Variants in EFHC1 observed in about 807,000 individuals in gnomAD.
The protein encoded by EFHC1 is EF-hand domain containing 1.
EFHC1 carries 53 observed loss-of-function variants against 69.9 expected under a neutral mutation model. The ratio of observed to expected loss-of-function variants is 0.76; its 90% CI spans 0.61 to 0.95. The LOEUF (loss-of-function observed/expected upper bound fraction) is 0.95. Among genes scored for constraint, EFHC1 ranks in the 40% least tolerant of loss-of-function variants. The pLI is 0.00. For missense variants in EFHC1, 739 were observed against 798.7 expected (o/e 0.93, Z 0.90); for synonymous variants, 256 against 278.4 (o/e 0.92, Z 0.80).
intron 4 of EFHC1, 130 bp downstream of exon 4, chr6:52,452,967 A>C: frequency 6.3e-7 from 1 of 1,586,394 alleles, no homozygotes; most frequent in Admixed American, 1.7e-5. Flanking sequence ...CTGTTTGGAC[A>C]CAGTACTGTC....
intron 3 of EFHC1, among the ~76,000 whole-genome samples, chr6:52,452,357 G>A (rs1764933217): frequency 6.6e-6 from 1 of 152,160 alleles, no homozygotes; most frequent in Admixed American, 6.5e-5. Context: ...CTGGAGTGCA[G>A]TGTCATGATC....
At chr6:52,420,900 C>T (rs980534062) in intron 1 of EFHC1, 2 of 563,716 alleles carry the variant, frequency 3.5e-6, no homozygotes, top group African/African-American at 2.0e-5. Context: ...CGTCCATCGC[C>T]GCCCTTAAAA....
At position 52,438,496 on chromosome 6, in the gene EFHC1, G is replaced by T; in HGVS notation, c.478G>T (p.Gly160Cys). The T allele has an allele frequency of 6.2e-7, 1 of 1,613,980 alleles. No homozygotes were observed. The change falls in exon 3 of 11, where the codon GGT becomes TGT. Residue 160 changes from glycine to cysteine, a missense_variant. Transcript: ENST00000371068. ...KRQRLAKNDR[G>C]DHYHWKDLNR... ...CCAGCGGCTAGCCAAGAATGACCGG[G>T]GTGACCATTACCATTGGAAAGACCT...
In EFHC1 at chr6:52,490,137, C is replaced by T; in HGVS notation, c.1641-3C>T. The T allele has an allele frequency of 6.2e-7, 1 of 1,613,390 alleles. No homozygotes were observed. The highest frequency in any genetic ancestry group is 8.5e-7 in the Non-Finnish European group (1 of 1,179,574). On this transcript the variant is annotated splice_region_variant and splice_polypyrimidine_tract_variant and intron_variant, in intron 9 of 10. Coordinates refer to ENST00000371068, the MANE Select transcript of EFHC1 (RefSeq NM_018100.4). The stretch of plus-strand genomic sequence containing the variant: ...TGCAGTCATTTCCTTCCTTTCTCTA[C>T]AGCAAGCAAACTGAAAAGGATCCAG...
intron 6 of EFHC1, among the ~76,000 whole-genome samples, chr6:52,467,532 C>T (rs1765337312): frequency 6.6e-6 from 1 of 152,038 alleles, no homozygotes; most frequent in African/African-American, 2.4e-5. Flanking sequence ...TACCTCTGTT[C>T]CCCATCCTTA....
chr6:52,442,203 CT>C (rs1764679701), intron 3 of EFHC1, among the ~76,000 whole-genome samples: 1 of 152,106 alleles, frequency 6.6e-6, no homozygotes, highest in South Asian at 2.1e-4. Flanking sequence ...ATGCTTCCAG[CT>C]TTTCCCTGTT....
At chr6:52,455,918 C>T (rs1253194541) in intron 5 of EFHC1, among the ~76,000 whole-genome samples, 1 of 152,058 alleles carries the variant, frequency 6.6e-6, no homozygotes, top group East Asian at 1.9e-4. Flanking sequence ...ACAAGATGTA[C>T]ACAGAAAGCA....
At chr6:52,482,868 C>T in intron 9 of EFHC1, 1 of 398,578 alleles carries the variant, frequency 2.5e-6, no homozygotes, top group Non-Finnish European at 4.4e-6. Flanking sequence ...TCAGCTTTCT[C>T]TTCTATAACT....
chr6:52,452,604 T>A, intron 3 of EFHC1, 84 bp from the exon 4 acceptor site: 8 of 1,517,358 alleles, frequency 5.3e-6, no homozygotes, highest in Non-Finnish European at 6.4e-6. Context: ...GCCTGGCCCA[T>A]ACACTTATTT....
At chr6:52,439,358 C>T (rs1764607964) in intron 3 of EFHC1, among the ~76,000 whole-genome samples, 1 of 152,138 alleles carries the variant, frequency 6.6e-6, no homozygotes, top group African/African-American at 2.4e-5. Flanking sequence ...GCACTGAGCT[C>T]CTATGAATCC....
In EFHC1 at chr6:52,494,152, A is replaced by T; in HGVS notation, c.*1811A>T. On this transcript the variant is annotated 3_prime_UTR_variant, in exon 11 of 11. Transcript: ENST00000371068. ...GTCTCAATAAACTCACGTAAGTAAAAAATATCACAAGTTGAAAACACATTT... is the reference window on the plus strand; with the variant it reads ...GTCTCAATAAACTCACGTAAGTAAATAATATCACAAGTTGAAAACACATTT... 2.2e-6 allele frequency: 1 copy of T among 454,090 alleles called. No individual in the cohort carries two copies. Among genetic ancestry groups the T allele is most frequent in the Non-Finnish European group, 4.4e-6 (1 of 226,796 alleles). 28.1% of individuals were successfully genotyped at this position (454,090 alleles called of 1,614,324 possible).
rs1053791314 is a variant in EFHC1, at chr6:52,427,774, G to A, written c.285+3607G>A. Among the ~76,000 whole-genome samples, 10 of 152,176 alleles carry A rather than the reference G, an allele frequency of 6.6e-5. No homozygotes were observed. In the East Asian group the frequency reaches 9.6e-4, roughly 15 times the overall value. On this transcript the variant is annotated intron_variant, in intron 2 of 10. Coordinates refer to ENST00000371068, the MANE Select transcript of EFHC1 (RefSeq NM_018100.4). Reference sequence around the variant, plus strand: ...TGCTGAAAATTGGCAAGTCAAACACGTACCATATATGCTTATAATAATGTA... The same window carrying A: ...TGCTGAAAATTGGCAAGTCAAACACATACCATATATGCTTATAATAATGTA...
At chr6:52,444,662 T>G (rs1764740233) in intron 3 of EFHC1, among the ~76,000 whole-genome samples, 1 of 152,208 alleles carries the variant, frequency 6.6e-6, no homozygotes, top group African/African-American at 2.4e-5. Flanking sequence ...GTGGATAGGC[T>G]TTTTGATGTG....
chr6:52,488,003 A>C (rs1475156204), intron 9 of EFHC1: 5 of 152,262 alleles, frequency 3.3e-5, no homozygotes, highest in African/African-American at 1.2e-4. Flanking sequence ...ATTGCCATCT[A>C]TCTGTGAATT....
At chr6:52,449,847 C>T (rs1764876895) in intron 3 of EFHC1, among the ~76,000 whole-genome samples, 1 of 152,132 alleles carries the variant, frequency 6.6e-6, no homozygotes, top group Non-Finnish European at 1.5e-5. Flanking sequence ...TTGTCTTCTG[C>T]TAGCTTTGAG....
intron 10 of EFHC1, chr6:52,490,904 C>CATG (rs1765886233): frequency 6.4e-6 from 1 of 157,316 alleles, no homozygotes; most frequent in African/African-American, 2.4e-5. Context: ...TCATTATAAA[C>CATG]CCTTTAGCCA....
At chr6:52,440,121 C>T (rs1422958274) in intron 3 of EFHC1, among the ~76,000 whole-genome samples, 1 of 152,086 alleles carries the variant, frequency 6.6e-6, no homozygotes, top group Non-Finnish European at 1.5e-5. Flanking sequence ...ACCACAAACA[C>T]TGAATTAGTG....
Position 52,493,206 on chromosome 6 carries a change from T to TCAG in EFHC1, c.*867_*869dup, listed in dbSNP as rs1382183693. 2.2e-6 allele frequency: 1 copy of TCAG among 453,468 alleles called. No individual in the cohort carries two copies. Among genetic ancestry groups the TCAG allele is most frequent in the South Asian group, 1.6e-5 (1 of 64,452 alleles). 28.1% of individuals were successfully genotyped at this position (453,468 alleles called of 1,614,324 possible). On this transcript the variant is annotated 3_prime_UTR_variant, in exon 11 of 11. Transcript: ENST00000371068. ...TGACCTTCAGACTGGACCTAAACCA[T>TCAG]CAGCTCTCCTAAGTCATAGGCCTTT...
intron 9 of EFHC1, chr6:52,483,034 G>A (rs1765713261): frequency 1.3e-5 from 5 of 393,190 alleles, no homozygotes; most frequent in East Asian, 7.2e-5. Context: ...TACTGTCTGC[G>A]TGAACTATAA....
Sources: allele counts gnomAD v4.1 joint callset (sites outside exome capture counted in the v4.1 genomes callset), GRCh38; gene constraint gnomAD v4.1.1; transcripts MANE v1.5; gene names NCBI Gene and HGNC (gene_info 2026-07-23, HGNC 2026-07-21).